DDX10: variants seen among roughly 807,000 people sequenced by gnomAD.
DDX10 encodes probable ATP-dependent RNA helicase DDX10.
Under a neutral mutation model 104.3 loss-of-function variants are expected in DDX10, and 74 were observed. That is an observed-to-expected ratio of 0.71 (90% CI 0.59 to 0.86). The LOEUF is 0.86. DDX10 is among the 40% of genes least tolerant of loss of function. The probability of loss-of-function intolerance (pLI) is 0.00; values close to 1 mark genes in which losing one functional copy is unlikely to be tolerated. For synonymous variants in DDX10, 351 were observed against 353.4 expected, an observed-to-expected ratio of 0.99 and a Z score of 0.08; for missense variants, 952 against 1,040.0, an observed-to-expected ratio of 0.92 and a Z score of 1.16.
intron 10 of DDX10, among the ~76,000 whole-genome samples, chr11:108,714,297 C>T (rs1302731316): frequency 1.3e-5 from 2 of 152,160 alleles, no homozygotes; most frequent in Admixed American, 6.5e-5. Context: ...GCACTGCCTC[C>T]CCCAGTTGTT....
chr11:108,755,695 T>C (rs1418286209), intron 13 of DDX10, among the ~76,000 whole-genome samples: 2 of 152,006 alleles, frequency 1.3e-5, no homozygotes, highest in African/African-American at 4.8e-5. Context: ...TATGAGACAA[T>C]ATAGTGAAAT....
chr11:108,938,895 C>T (rs1032775031), intron 17 of DDX10, among the ~76,000 whole-genome samples: 2 of 152,116 alleles, frequency 1.3e-5, no homozygotes, highest in Non-Finnish European at 2.9e-5. Context: ...AAGAGTAATC[C>T]AGGCCGTTGG....
intron 13 of DDX10, among the ~76,000 whole-genome samples, chr11:108,763,876 T>G (rs2094353545): frequency 6.6e-6 from 1 of 152,238 alleles, no homozygotes; most frequent in Admixed American, 6.5e-5. Flanking sequence ...TAAGGATAGC[T>G]GATATTCAAA....
intron 9 of DDX10, among the ~76,000 whole-genome samples, chr11:108,696,192 T>C (rs1370727873): frequency 6.6e-6 from 1 of 152,026 alleles, no homozygotes; most frequent in Admixed American, 6.6e-5. Context: ...TTTTGTTTTT[T>C]TTGAGACAGA....
intron 4 of DDX10, among the ~76,000 whole-genome samples, 164 bp downstream of exon 4, chr11:108,677,407 T>C (rs1021339357): frequency 1.3e-5 from 2 of 152,092 alleles, no homozygotes; most frequent in African/African-American, 2.4e-5. Context: ...TACGATCTGG[T>C]TGCCAATTTT....
rs1224198920 is a variant in DDX10 at position 108,940,557 on chromosome 11, G to A, written c.*134G>A. On this transcript the variant is annotated 3_prime_UTR_variant, in exon 18 of 18. Coordinates refer to ENST00000322536, the MANE Select transcript of DDX10 (RefSeq NM_004398.4). ...AAAGGGCACATTTCTGGATAGAAGC[G>A]ATCGTATCTCCAAGTCCCTCTCACA... is the stretch of plus-strand genomic sequence containing the variant. 7.4e-6 allele frequency: 6 copies of A among 809,386 alleles called. No individual in the cohort carries two copies. Among genetic ancestry groups the A allele is most frequent in the South Asian group, 3.8e-5 (2 of 52,308 alleles). 50.1% of individuals were successfully genotyped at this position (809,386 alleles called of 1,614,324 possible). A position where few individuals can be genotyped will look rare whatever the true frequency, so the allele number is the denominator to read the frequency against.
At chr11:108,839,083 C>A (rs1252255522) in intron 14 of DDX10, among the ~76,000 whole-genome samples, 1 of 152,168 alleles carries the variant, frequency 6.6e-6, no homozygotes, top group African/African-American at 2.4e-5. Context: ...TAAATACATA[C>A]CCATAGTATA....
At chr11:108,707,486 G>C (rs1424487049) in intron 10 of DDX10, among the ~76,000 whole-genome samples, 1 of 152,038 alleles carries the variant, frequency 6.6e-6, no homozygotes, top group Non-Finnish European at 1.5e-5. Context: ...TTCATTGTCT[G>C]GACGCAACAG....
At position 108,818,669 on chromosome 11, in the gene DDX10, G is replaced by T. The variant is rs571557164; in HGVS notation, c.1966-19777G>T. On this transcript the variant is annotated intron_variant, in intron 13 of 17. Transcript: ENST00000322536. ...AACTGAATCTTTTAAATTATTGTAC[G>T]GTACAAATAACCAAAGTGCTTGGAG... Among the ~76,000 whole-genome samples the T allele has an allele frequency of 2.0e-5, 3 of 152,030 alleles. No homozygotes were observed. In the South Asian group the frequency reaches 6.3e-4, roughly 32 times the overall value.
At chr11:108,927,990 C>T (rs1863929881) in intron 17 of DDX10, among the ~76,000 whole-genome samples, 1 of 152,082 alleles carries the variant, frequency 6.6e-6, no homozygotes, top group Non-Finnish European at 1.5e-5. Context: ...TCCTCGCAGC[C>T]CAGGAAGTGT....
At chr11:108,862,089 G>C (rs1016256458) in intron 16 of DDX10, among the ~76,000 whole-genome samples, 1 of 152,182 alleles carries the variant, frequency 6.6e-6, no homozygotes, top group African/African-American at 2.4e-5. Flanking sequence ...CACTATCATA[G>C]CTCACTGTAA....
chr11:108,815,684 AT>A (rs993462416), intron 13 of DDX10, among the ~76,000 whole-genome samples: 82 of 152,074 alleles, frequency 5.4e-4, no homozygotes, highest in African/African-American at 1.8e-3. Context: ...ATTTCTTTTG[AT>A]TTTTTTTCTA....
intron 16 of DDX10, among the ~76,000 whole-genome samples, chr11:108,887,467 TAAAAA>T (rs528986112): frequency 2.0e-5 from 3 of 149,496 alleles, no homozygotes; most frequent in East Asian, 2.0e-4. Context: ...TTTTTTTTCT[TAAAAA>T]AAAAGAAAAA....
intron 13 of DDX10, among the ~76,000 whole-genome samples, chr11:108,726,327 T>C (rs972459018): frequency 6.6e-6 from 1 of 152,106 alleles, no homozygotes; most frequent in Non-Finnish European, 1.5e-5. Context: ...CTGGAGAGAA[T>C]TGACATCATA....
At chr11:108,716,920 A>G (rs966748474) in intron 11 of DDX10, among the ~76,000 whole-genome samples, 1 of 151,994 alleles carries the variant, frequency 6.6e-6, no homozygotes, top group African/African-American at 2.4e-5. Flanking sequence ...TTTTAGTTAA[A>G]CTTTTTTTTT....
intron 16 of DDX10, among the ~76,000 whole-genome samples, chr11:108,911,702 C>G (rs1039809354): frequency 2.0e-5 from 3 of 151,312 alleles, no homozygotes; most frequent in African/African-American, 7.3e-5. Context: ...CAAGTAGCTG[C>G]AAACTATAGG....
intron 16 of DDX10, among the ~76,000 whole-genome samples, chr11:108,856,455 A>C (rs1862871039): frequency 6.6e-6 from 1 of 151,872 alleles, no homozygotes; most frequent in Non-Finnish European, 1.5e-5. Flanking sequence ...AACAAAAAAA[A>C]CCACCAAAAA....
At chr11:108,814,014 G>C (rs1277583445) in intron 13 of DDX10, among the ~76,000 whole-genome samples, 2 of 151,994 alleles carry the variant, frequency 1.3e-5, no homozygotes, top group African/African-American at 4.8e-5. Context: ...TTTATTTCTT[G>C]ACTTGGAGAT....
At chr11:108,883,882 T>C (rs1036666189) in intron 16 of DDX10, among the ~76,000 whole-genome samples, 9 of 152,168 alleles carry the variant, frequency 5.9e-5, no homozygotes, top group African/African-American at 1.9e-4. Flanking sequence ...GATTTTTCCA[T>C]TTACCTCCCT....
Sources: allele counts gnomAD v4.1 joint callset (sites outside exome capture counted in the v4.1 genomes callset), GRCh38; gene constraint gnomAD v4.1.1; transcripts MANE v1.5; gene names NCBI Gene and HGNC (gene_info 2026-07-23, HGNC 2026-07-21).